IRAK2: variants seen among roughly 807,000 people sequenced by gnomAD.
IRAK2 encodes interleukin-1 receptor-associated kinase-like 2.
In IRAK2, 57 loss-of-function variants were observed where a neutral mutation model predicts 72.0. The ratio of observed to expected loss-of-function variants is 0.79; its 90% CI spans 0.64 to 0.99. IRAK2 has a LOEUF of 0.99. IRAK2 is among the 50% of genes least tolerant of loss of function. The probability of loss-of-function intolerance (pLI) is 0.00; values close to 1 mark genes in which losing one functional copy is unlikely to be tolerated. For synonymous variants in IRAK2, 293 were observed against 312.7 expected, an observed-to-expected ratio of 0.94 and a Z score of 0.67; for missense variants, 790 against 794.4, an observed-to-expected ratio of 0.99 and a Z score of 0.07.
intron 9 of IRAK2, among the ~76,000 whole-genome samples, chr3:10,226,058 G>A (rs1559451997): frequency 6.6e-6 from 1 of 152,102 alleles, no homozygotes; most frequent in Admixed American, 6.6e-5. Context: ...ACGTGTGTGT[G>A]TATCTATATT....
intron 1 of IRAK2, among the ~76,000 whole-genome samples, chr3:10,165,779 G>A (rs1001518322): frequency 6.9e-6 from 1 of 144,766 alleles, no homozygotes; most frequent in Admixed American, 7.2e-5. Flanking sequence ...CGCCCAGGCT[G>A]GAGTGCAGTG....
chr3:10,241,345 G>A (rs1698057591), intron 12 of IRAK2, among the ~76,000 whole-genome samples: 2 of 140,180 alleles, frequency 1.4e-5, no homozygotes, highest in South Asian at 4.9e-4. Flanking sequence ...GGATCACGAG[G>A]TCAGGAGATC....
intron 3 of IRAK2, among the ~76,000 whole-genome samples, chr3:10,205,136 A>T (rs1023442221): frequency 5.3e-5 from 8 of 152,224 alleles, no homozygotes; most frequent in African/African-American, 1.9e-4. Context: ...TATGGAATCC[A>T]GGGAGATTTT....
At chr3:10,205,794 A>G (rs1350025661) in intron 3 of IRAK2, among the ~76,000 whole-genome samples, 3 of 152,266 alleles carry the variant, frequency 2.0e-5, no homozygotes, top group African/African-American at 7.2e-5. Context: ...AAGTTGGTTG[A>G]AAGAAAACCG....
intron 1 of IRAK2, among the ~76,000 whole-genome samples, chr3:10,168,411 G>A (rs1260491116): frequency 3.3e-5 from 5 of 151,596 alleles, no homozygotes; most frequent in Admixed American, 6.6e-5. Flanking sequence ...GGGTTTCACC[G>A]TGTTGGCCAG....
chr3:10,199,878 A>G (rs1375547657), intron 2 of IRAK2, among the ~76,000 whole-genome samples: 1 of 144,866 alleles, frequency 6.9e-6, no homozygotes, highest in African/African-American at 2.6e-5. Context: ...ATGTTCAGCC[A>G]CTGCTCTTTT....
At chr3:10,214,783 G>GA (rs1483885434) in intron 6 of IRAK2, among the ~76,000 whole-genome samples, 1 of 151,536 alleles carries the variant, frequency 6.6e-6, no homozygotes, top group East Asian at 2.0e-4. Flanking sequence ...TGTCTCAACT[G>GA]AAAAAAATAT....
chr3:10,241,801 C>CAAAA (rs4019566), intron 12 of IRAK2, among the ~76,000 whole-genome samples: 5 of 83,146 alleles, frequency 6.0e-5, no homozygotes, highest in Admixed American at 1.3e-4. Context: ...GACTCCATCT[C>CAAAA]AAAAAAAAAA....
chr3:10,229,838 C>T (rs998914462), intron 10 of IRAK2, among the ~76,000 whole-genome samples: 17 of 152,260 alleles, frequency 1.1e-4, no homozygotes, highest in Non-Finnish European at 7.4e-5. Flanking sequence ...CAGTGGCTCA[C>T]GGCTGTAATC....
rs55839723 is a variant in IRAK2 at position 10,184,723 on chromosome 3, GTTTTTT to G, written c.277+6722_277+6727del. Among the ~76,000 whole-genome samples, 33 of 102,024 alleles carry G rather than the reference GTTTTTT, an allele frequency of 3.2e-4. No homozygotes were observed. The South Asian group carries it at 6.5e-3, about 20-fold the overall frequency. The allele number at this position is 102,024 out of a possible 152,430, so 66.9% of individuals were successfully genotyped here. On this transcript the variant is annotated intron_variant, in intron 2 of 12. Coordinates refer to ENST00000256458, the MANE Select transcript of IRAK2 (RefSeq NM_001570.4). ...CTGTTTTTTTGTGGAGTTTTTGTGT[GTTTTTT>G]TTTTTTTTTTTTTTTTTTGAGACGG...
intron 2 of IRAK2, among the ~76,000 whole-genome samples, chr3:10,193,612 G>C (rs1697210912): frequency 6.6e-6 from 1 of 152,200 alleles, no homozygotes; most frequent in South Asian, 2.1e-4. Flanking sequence ...CACAGAGCAA[G>C]ACTCTGCCTC....
chr3:10,171,196 G>A (rs1274508263), intron 1 of IRAK2, among the ~76,000 whole-genome samples: 3 of 152,282 alleles, frequency 2.0e-5, no homozygotes, highest in Non-Finnish European at 2.9e-5. Flanking sequence ...AGAGGGGCTC[G>A]GCGCAGGGGC....
intron 2 of IRAK2, among the ~76,000 whole-genome samples, chr3:10,178,697 TC>T (rs1374314430): frequency 6.6e-6 from 1 of 152,234 alleles, no homozygotes; most frequent in Non-Finnish European, 1.5e-5. Flanking sequence ...TTGCTTCTTT[TC>T]CCCACTTTAC....
chr3:10,169,403 G>A (rs1479105189), intron 1 of IRAK2, among the ~76,000 whole-genome samples: 2 of 152,138 alleles, frequency 1.3e-5, no homozygotes, highest in African/African-American at 4.8e-5. Context: ...AACTGCATCA[G>A]ACAGACACCC....
intron 2 of IRAK2, among the ~76,000 whole-genome samples, chr3:10,200,132 C>T (rs1697333213): frequency 6.6e-6 from 1 of 152,104 alleles, no homozygotes; most frequent in African/African-American, 2.4e-5. Context: ...AGGCAGTCCA[C>T]CCACCTCGGC....
intron 9 of IRAK2, among the ~76,000 whole-genome samples, chr3:10,224,310 C>G (rs1697737950): frequency 6.7e-6 from 1 of 148,972 alleles, no homozygotes; most frequent in East Asian, 2.0e-4. Context: ...GCACTCCAGC[C>G]TGGGCAACAG....
Position 10,232,039 on chromosome 3 carries a change from A to C in IRAK2, c.1273-2420A>C, listed in dbSNP as rs374185419. ...CTACTCGGGAGGCTGAGGCAGGAGA[A>C]TGGCATGAACCCAGGAGGCGGAGCT... is the stretch of plus-strand genomic sequence containing the variant. On this transcript the variant is annotated intron_variant, in intron 10 of 12. Transcript: ENST00000256458. 2.5e-3 allele frequency among the ~76,000 whole-genome samples: 379 copies of C among 152,306 alleles called. 2 individuals are homozygous for C. Among genetic ancestry groups the C allele is most frequent in the African/African-American group, 8.8e-3 (365 of 41,594 alleles).
At chr3:10,236,341 G>GTTTTTT (rs1338122281) in intron 11 of IRAK2, among the ~76,000 whole-genome samples, 2 of 125,234 alleles carry the variant, frequency 1.6e-5, no homozygotes, top group Admixed American at 8.9e-5. Flanking sequence ...GAGCCACTAA[G>GTTTTTT]GTTTTTTTTT....
At chr3:10,172,972 C>A (rs1414040867) in intron 1 of IRAK2, among the ~76,000 whole-genome samples, 1 of 151,924 alleles carries the variant, frequency 6.6e-6, no homozygotes, top group African/African-American at 2.4e-5. Flanking sequence ...AGCCACCGCA[C>A]CTGGCCAAAC....
Sources: allele counts gnomAD v4.1 joint callset (sites outside exome capture counted in the v4.1 genomes callset), GRCh38; gene constraint gnomAD v4.1.1; transcripts MANE v1.5; gene names NCBI Gene and HGNC (gene_info 2026-07-23, HGNC 2026-07-21).